The following RAB3C variants were observed in gnomAD, a reference collection of about 807,000 sequenced individuals.
RAB3C encodes RAB3C, member RAS oncogene family, also known as ras-related protein Rab-3C.
In RAB3C, 17 loss-of-function variants were observed where a neutral mutation model predicts 26.4. The observed-to-expected ratio is 0.64, with a 90% CI of 0.44 to 0.97. RAB3C has a LOEUF of 0.97. RAB3C is among the 50% of genes least tolerant of loss of function. The pLI is 0.00. For synonymous variants in RAB3C, 91 were observed against 95.9 expected (o/e 0.95, Z 0.30); for missense variants, 242 against 281.9 (o/e 0.86, Z 1.01).
At chr5:58,768,559 C>CTATTTTA (rs1741958226) in intron 3 of RAB3C, among the ~76,000 whole-genome samples, 1 of 151,966 alleles carries the variant, frequency 6.6e-6, no homozygotes, top group Admixed American at 6.6e-5. Context: ...AGCCCAAGGA[C>CTATTTTA]TATTTTAGAT....
intron 2 of RAB3C, among the ~76,000 whole-genome samples, chr5:58,723,739 C>T (rs1740824321): frequency 1.3e-5 from 2 of 151,760 alleles, no homozygotes; most frequent in South Asian, 4.1e-4. Context: ...GTTAGTTTTG[C>T]CTCCAAGGCC....
chr5:58,836,171 T>C (rs1018518224), intron 4 of RAB3C, among the ~76,000 whole-genome samples: 1 of 152,164 alleles, frequency 6.6e-6, no homozygotes, highest in Non-Finnish European at 1.5e-5. Flanking sequence ...AGAAAGGCTA[T>C]CAATTTATTA....
At chr5:58,596,717 A>G (rs1312034133) in intron 1 of RAB3C, among the ~76,000 whole-genome samples, 1 of 35,244 alleles carries the variant, frequency 2.8e-5, no homozygotes, top group Non-Finnish European at 6.1e-5. Context: ...ATAAATATAT[A>G]ATATATAATA....
chr5:58,831,953 C>T (rs1157284313), intron 4 of RAB3C, among the ~76,000 whole-genome samples: 1 of 152,090 alleles, frequency 6.6e-6, no homozygotes. Context: ...GGGCTGGGAC[C>T]CAGACAACAG....
chr5:58,647,792 A>G (rs1747556556), intron 2 of RAB3C: 1 of 152,184 alleles, frequency 6.6e-6, no homozygotes, highest in South Asian at 2.1e-4. Flanking sequence ...TCATGCACAC[A>G]ATCTCACATG....
intron 3 of RAB3C, among the ~76,000 whole-genome samples, chr5:58,791,322 C>T (rs557322748): frequency 2.0e-5 from 3 of 152,220 alleles, no homozygotes; most frequent in East Asian, 1.9e-4. Context: ...AGAGAGTTGG[C>T]GTGCTCAAAC....
chr5:58,687,469 C>A (rs937113959), intron 2 of RAB3C, among the ~76,000 whole-genome samples: 4 of 152,014 alleles, frequency 2.6e-5, no homozygotes, highest in African/African-American at 9.7e-5. Context: ...AAAACAACAA[C>A]AACAGAAGTA....
chr5:58,644,722 G>T (rs141720929), intron 2 of RAB3C, among the ~76,000 whole-genome samples: 193 of 152,282 alleles, frequency 1.3e-3, no homozygotes, highest in Middle Eastern at 3.4e-3. Flanking sequence ...TTATTTTCAT[G>T]CTATTTCTGG....
At chr5:58,784,904 C>G (rs540480409) in intron 3 of RAB3C, 1 of 152,300 alleles carries the variant, frequency 6.6e-6, no homozygotes, top group Admixed American at 6.5e-5. Flanking sequence ...CTCCTTATGG[C>G]TTATCCATGT....
chr5:58,714,374 A>G (rs777855206), intron 2 of RAB3C, among the ~76,000 whole-genome samples: 1 of 152,188 alleles, frequency 6.6e-6, no homozygotes, highest in Non-Finnish European at 1.5e-5. Flanking sequence ...CCAGCTAAAC[A>G]TTATTCATAA....
intron 3 of RAB3C, among the ~76,000 whole-genome samples, chr5:58,804,326 G>A (rs1742883742): frequency 6.6e-6 from 1 of 152,136 alleles, no homozygotes; most frequent in South Asian, 2.1e-4. Flanking sequence ...TCTTTCTTGT[G>A]TGTTGTGCAT....
chr5:58,843,888 A>G (rs1516433), intron 4 of RAB3C, among the ~76,000 whole-genome samples: 88,403 of 151,924 alleles, frequency 0.58, 25,967 homozygotes, highest in Middle Eastern at 0.71. Context: ...TAACCCCACT[A>G]CTTCTCCCAG....
intron 3 of RAB3C, among the ~76,000 whole-genome samples, chr5:58,754,491 T>C (rs1353057329): frequency 6.6e-6 from 1 of 152,118 alleles, no homozygotes; most frequent in Non-Finnish European, 1.5e-5. Flanking sequence ...TGAATATGGA[T>C]ACAGCCCAGG....
rs950816429 is a variant in RAB3C, at chr5:58,692,539, C to G, written c.253-33463C>G. 3.3e-5 allele frequency among the ~76,000 whole-genome samples: 5 copies of G among 151,838 alleles called. No homozygotes were observed. The South Asian group carries it at 6.2e-4, about 19-fold the overall frequency. ...TGACAGTTAGAACGTTACATATTCT[C>G]TTGAGTTTTGGCCCATATGCATCAT... On this transcript the variant is annotated intron_variant, in intron 2 of 4. Transcript: ENST00000282878.
intron 3 of RAB3C, among the ~76,000 whole-genome samples, chr5:58,737,374 C>T (rs292999): frequency 1 from 125,153 of 125,486 alleles, 62,410 homozygotes; most frequent in Non-Finnish European, 1. Context: ...GTCTTTTTCA[C>T]AGCATTTATC....
chr5:58,723,279 A>G lies in RAB3C; in HGVS notation c.253-2723A>G, dbSNP rs1579879820. On this transcript the variant is annotated intron_variant, in intron 2 of 4. Transcript: ENST00000282878. ...TCACCTGTTCTACATTATTTCTGCTATTTTGAGTGCTATAATCTGTTTTCA... is the reference window on the plus strand; with the variant it reads ...TCACCTGTTCTACATTATTTCTGCTGTTTTGAGTGCTATAATCTGTTTTCA... Among the ~76,000 whole-genome samples, 2 of 151,840 alleles carry G rather than the reference A, an allele frequency of 1.3e-5. 1 individual carries two copies. Among genetic ancestry groups the G allele is most frequent in the East Asian group, 3.9e-4 (2 of 5,144 alleles).
rs566689930 is a variant in RAB3C, at chr5:58,783,097, G to A, written c.372-41941G>A. On this transcript the variant is annotated intron_variant, in intron 3 of 4. Transcript: ENST00000282878. ...TTTGTCATTAATATAGTACTGGCAGGTCTGAATGTGTTTTCCTAACCTTAT... is the reference window on the plus strand; with the variant it reads ...TTTGTCATTAATATAGTACTGGCAGATCTGAATGTGTTTTCCTAACCTTAT... Among the ~76,000 whole-genome samples the A allele has an allele frequency of 6.1e-4, 93 of 152,148 alleles. No homozygotes were observed. In the Middle Eastern group the frequency reaches 0.01, roughly 17 times the overall value.
At chr5:58,718,172 T>G (rs972169891) in intron 2 of RAB3C, among the ~76,000 whole-genome samples, 1 of 152,058 alleles carries the variant, frequency 6.6e-6, no homozygotes, top group Admixed American at 6.6e-5. Flanking sequence ...GGAAAAAGTA[T>G]GTCAAAAAGA....
chr5:58,746,799 AG>A (rs1191309105), intron 3 of RAB3C, among the ~76,000 whole-genome samples: 3 of 152,242 alleles, frequency 2.0e-5, no homozygotes, highest in African/African-American at 7.2e-5. Context: ...AAATGTTTAA[AG>A]CTGAAACACC....
Sources: allele counts gnomAD v4.1 joint callset (sites outside exome capture counted in the v4.1 genomes callset), GRCh38; gene constraint gnomAD v4.1.1; transcripts MANE v1.5; gene names NCBI Gene and HGNC (gene_info 2026-07-23, HGNC 2026-07-21).